Variants in MYO16 observed in about 807,000 individuals in gnomAD.
MYO16 encodes myosin XVI, also known as unconventional myosin-XVI.
In MYO16, 94 loss-of-function variants were observed where a neutral mutation model predicts 205.3. The ratio of observed to expected loss-of-function variants is 0.46; its 90% CI spans 0.39 to 0.54. The LOEUF is 0.54. MYO16 is among the 20% of genes least tolerant of loss of function. MYO16 has a pLI of 0.00. For synonymous variants in MYO16, 988 were observed against 954.0 expected, an observed-to-expected ratio of 1.04 and a Z score of -0.66; for missense variants, 2,315 against 2,387.5, an observed-to-expected ratio of 0.97 and a Z score of 0.63.
rs1048146473 is a variant in MYO16 at position 108,612,693 on chromosome 13, A to G, written c.-39+16454A>G. 2.3e-4 allele frequency among the ~76,000 whole-genome samples: 34 copies of G among 150,848 alleles called. 1 individual carries two copies. Among genetic ancestry groups the G allele is most frequent in the African/African-American group, 7.7e-4 (32 of 41,314 alleles). ...AGGCTCAGAGGAAGGGGCACCATCT[A>G]TCAGGGTGGGGTTGGGAGGGGTAGG... On this transcript the variant is annotated intron_variant, in intron 1 of 24. Coordinates refer to the MYO16 transcript ENST00000251041.
chr13:108,743,224 C>T (rs1437243411), intron 4 of MYO16, among the ~76,000 whole-genome samples: 1 of 152,034 alleles, frequency 6.6e-6, no homozygotes, highest in Non-Finnish European at 1.5e-5. Flanking sequence ...GTTACTGACT[C>T]ATCTTCTCAG....
At chr13:108,646,198 T>A (rs988201428) in intron 1 of MYO16, among the ~76,000 whole-genome samples, 3 of 152,212 alleles carry the variant, frequency 2.0e-5, no homozygotes, top group Non-Finnish European at 4.4e-5. Flanking sequence ...TTTCTTTTTT[T>A]CCCTTGTTAA....
the MYO16 span, among the ~76,000 whole-genome samples, chr13:108,521,873 A>G: frequency 6.6e-6 from 1 of 152,240 alleles, no homozygotes; most frequent in Non-Finnish European, 1.5e-5. Context: ...CTAGATGTAC[A>G]TTAAGTACAG....
chr13:108,538,459 A>G, the MYO16 span, among the ~76,000 whole-genome samples: 7 of 152,072 alleles, frequency 4.6e-5, no homozygotes, highest in African/African-American at 1.4e-4. Flanking sequence ...TTGTGTGGGT[A>G]TGGGACAGAG....
At chr13:109,049,502 C>G (rs562788244) in intron 24 of MYO16, among the ~76,000 whole-genome samples, 151 of 152,236 alleles carry the variant, frequency 9.9e-4, no homozygotes, top group African/African-American at 3.5e-3. Flanking sequence ...AGGGAAAATA[C>G]AAAACTGGGT....
intron 9 of MYO16, among the ~76,000 whole-genome samples, chr13:108,844,080 G>A (rs906344324): frequency 6.6e-6 from 1 of 152,046 alleles, no homozygotes; most frequent in African/African-American, 2.4e-5. Context: ...ATCTATTATA[G>A]TCAGATATAC....
At chr13:108,908,468 C>T (rs536102747) in intron 15 of MYO16, among the ~76,000 whole-genome samples, 1 of 152,286 alleles carries the variant, frequency 6.6e-6, no homozygotes, top group East Asian at 1.9e-4. Context: ...AATTGGGAGA[C>T]ATCACATTTT....
At chr13:108,882,769 T>C (rs1879681007) in intron 12 of MYO16, among the ~76,000 whole-genome samples, 6 of 152,200 alleles carry the variant, frequency 3.9e-5, no homozygotes, top group Admixed American at 2.6e-4. Flanking sequence ...TGCACAGATA[T>C]CTATTAAAGA....
the MYO16 span, among the ~76,000 whole-genome samples, chr13:108,500,463 C>T: frequency 6.6e-6 from 1 of 151,504 alleles, no homozygotes; most frequent in Non-Finnish European, 1.5e-5. Context: ...CTCCTGACAT[C>T]GTGATCCACT....
intron 2 of MYO16, among the ~76,000 whole-genome samples, chr13:108,693,217 T>C (rs1228681991): frequency 6.6e-6 from 1 of 152,210 alleles, no homozygotes; most frequent in African/African-American, 2.4e-5. Context: ...TGTGGCTCTT[T>C]ATGGTGGTAA....
the MYO16 span, among the ~76,000 whole-genome samples, chr13:108,497,555 C>T: frequency 0.049 from 7,467 of 152,194 alleles, 199 homozygotes; most frequent in South Asian, 0.088. Flanking sequence ...TATTTATTTA[C>T]TGAAGGAAAA....
At position 108,657,362 on chromosome 13, in the gene MYO16, A is replaced by G. The variant is rs114092468; in HGVS notation, c.29-8524A>G. 2.0e-5 allele frequency among the ~76,000 whole-genome samples: 3 copies of G among 152,172 alleles called. No individual in the cohort carries two copies. In the South Asian group the frequency reaches 6.2e-4, roughly 32 times the overall value. On this transcript the variant is annotated intron_variant, in intron 1 of 34. Coordinates refer to ENST00000457511, the MANE Select transcript of MYO16 (RefSeq NM_001198950.3). ...AGAGAGAAGGTGACCTAATAGATTT[A>G]TATCCTCCAAAAATAGAGGAGAAGT...
intron 16 of MYO16, among the ~76,000 whole-genome samples, chr13:108,931,371 C>T (rs1038830971): frequency 6.6e-6 from 1 of 152,142 alleles, no homozygotes; most frequent in Non-Finnish European, 1.5e-5. Context: ...GAAGGAATGC[C>T]TTGGTATACT....
At chr13:108,846,091 A>C (rs1417228986) in intron 10 of MYO16, among the ~76,000 whole-genome samples, 1 of 152,142 alleles carries the variant, frequency 6.6e-6, no homozygotes, top group African/African-American at 2.4e-5. Flanking sequence ...TGTGTACTTT[A>C]GTGTCTGGCA....
chr13:109,046,022 T>C (rs1179486204), intron 23 of MYO16, among the ~76,000 whole-genome samples: 1 of 151,350 alleles, frequency 6.6e-6, no homozygotes, highest in Non-Finnish European at 1.5e-5. Context: ...CCCTCCCTCA[T>C]GGCGGATCCT....
At chr13:109,079,488 A>G (rs778160866) in intron 27 of MYO16, among the ~76,000 whole-genome samples, 1 of 152,108 alleles carries the variant, frequency 6.6e-6, no homozygotes, top group African/African-American at 2.4e-5. Flanking sequence ...GCTGGAGGTC[A>G]TTATCCTAAG....
intron 20 of MYO16, among the ~76,000 whole-genome samples, chr13:108,967,885 A>T (rs942930070): frequency 6.6e-6 from 1 of 152,118 alleles, no homozygotes; most frequent in Non-Finnish European, 1.5e-5. Flanking sequence ...GCTTCCTCAC[A>T]TCTCCTCCCA....
intron 1 of MYO16, among the ~76,000 whole-genome samples, chr13:108,660,407 C>T (rs1255579027): frequency 6.6e-6 from 1 of 152,096 alleles, no homozygotes; most frequent in Non-Finnish European, 1.5e-5. Flanking sequence ...GTGTTGCTGT[C>T]TAATTTCTTA....
In MYO16 at chr13:108,741,806, G is replaced by A. The variant is rs538423928; in HGVS notation, c.507+14223G>A. 7.2e-5 allele frequency among the ~76,000 whole-genome samples: 11 copies of A among 152,130 alleles called. No individual in the cohort carries two copies. In the East Asian group the frequency reaches 2.1e-3, roughly 29 times the overall value. On this transcript the variant is annotated intron_variant, in intron 4 of 34. Transcript: ENST00000457511. ...AGTCATTGAAGCCCAGTATACTTTA[G>A]GAATTGGAGTGGGCCAAAAAATGAT...
Sources: gnomAD v4.1 joint callset for allele counts (sites outside exome capture counted in the v4.1 genomes callset) on GRCh38, gnomAD v4.1.1 for gene constraint, MANE v1.5 for transcripts, NCBI Gene and HGNC (gene_info 2026-07-23, HGNC 2026-07-21) for gene names.